CTNNAL1: variants seen among roughly 807,000 people sequenced by gnomAD.
The protein encoded by CTNNAL1 is alpha-catulin.
Under a neutral mutation model 93.6 loss-of-function variants are expected in CTNNAL1, and 69 were observed. The observed-to-expected ratio is 0.74, with a 90% CI of 0.61 to 0.90. The LOEUF is 0.90. Among genes scored for constraint, CTNNAL1 ranks in the 40% least tolerant of loss-of-function variants. The probability of loss-of-function intolerance (pLI) is 0.00; values close to 1 mark genes in which losing one functional copy is unlikely to be tolerated. For missense variants in CTNNAL1, 836 were observed against 862.0 expected (o/e 0.97, Z 0.38); for synonymous variants, 286 against 305.4 (o/e 0.94, Z 0.66).
At chr9:108,965,774 G>A (rs998126846) in intron 10 of CTNNAL1, among the ~76,000 whole-genome samples, 17 of 152,306 alleles carry the variant, frequency 1.1e-4, no homozygotes, top group African/African-American at 2.9e-4. Flanking sequence ...CATTCAGGGA[G>A]CAATTCTCTT....
chr9:108,981,754 A>T (rs1452652316), intron 6 of CTNNAL1, among the ~76,000 whole-genome samples: 1 of 151,988 alleles, frequency 6.6e-6, no homozygotes, highest in Non-Finnish European at 1.5e-5. Flanking sequence ...GCAAAACCCC[A>T]TCTCTATTAA....
intron 2 of CTNNAL1, among the ~76,000 whole-genome samples, chr9:108,998,678 C>T (rs754023382): frequency 6.6e-6 from 1 of 152,204 alleles, no homozygotes; most frequent in Non-Finnish European, 1.5e-5. Flanking sequence ...TGTGAACCAT[C>T]ATGAAGTTTG....
At chr9:108,962,904 T>C (rs1292285118) in intron 11 of CTNNAL1, among the ~76,000 whole-genome samples, 1 of 152,142 alleles carries the variant, frequency 6.6e-6, no homozygotes, top group Non-Finnish European at 1.5e-5. Context: ...AGTTAGGAAA[T>C]AGCAGAGGCA....
intron 6 of CTNNAL1, among the ~76,000 whole-genome samples, chr9:108,980,168 G>A (rs1381973421): frequency 6.6e-6 from 1 of 152,148 alleles, no homozygotes; most frequent in African/African-American, 2.4e-5. Context: ...TCTATGGCCT[G>A]TCTTTATATA....
At chr9:108,964,944 C>A (rs1830915111) in intron 11 of CTNNAL1, among the ~76,000 whole-genome samples, 1 of 152,050 alleles carries the variant, frequency 6.6e-6, no homozygotes, top group Admixed American at 6.5e-5. Context: ...CTCACTGCAA[C>A]CTCCGCCTCC....
intron 1 of CTNNAL1, among the ~76,000 whole-genome samples, chr9:108,999,728 C>A (rs148641897): frequency 1.3e-4 from 20 of 152,252 alleles, no homozygotes; most frequent in Non-Finnish European, 1.0e-4. Context: ...TACATGTTTA[C>A]CAAATTAACT....
At chr9:108,987,830 G>A (rs1282086474) in intron 4 of CTNNAL1, among the ~76,000 whole-genome samples, 1 of 152,122 alleles carries the variant, frequency 6.6e-6, no homozygotes, top group African/African-American at 2.4e-5. Flanking sequence ...CTCTCTGTTT[G>A]TCTGTTATTG....
rs149281726 is a variant in CTNNAL1 at position 108,992,708 on chromosome 9, A to T, written c.443T>A (p.Leu148His). 1 of 1,614,072 alleles carries T rather than the reference A, an allele frequency of 6.2e-7. No homozygotes were observed. The change falls in exon 3 of 19, where the codon CTT becomes CAT. Residue 148 changes from leucine to histidine, a missense_variant. By Grantham distance (99) the Leu-to-His change is moderately conservative. Transcript: ENST00000325551. The part of the protein sequence containing the change: ...KTGVIKAARL[L>H]LSSVTKVLLL... Reference sequence around the variant, plus strand: ...CAACACTTTTGTCACTGAAGAAAGAAGTAATCTTGCAGCCTTTATCACTCC... The same window carrying T: ...CAACACTTTTGTCACTGAAGAAAGATGTAATCTTGCAGCCTTTATCACTCC...
intron 10 of CTNNAL1, among the ~76,000 whole-genome samples, chr9:108,967,217 A>T (rs532495334): frequency 6.6e-6 from 1 of 152,346 alleles, no homozygotes; most frequent in African/African-American, 2.4e-5. Context: ...GCCCTCTATT[A>T]TGAAGCTTAT....
At chr9:108,958,081 A>C (rs934057280) in intron 11 of CTNNAL1, among the ~76,000 whole-genome samples, 10 of 151,378 alleles carry the variant, frequency 6.6e-5, no homozygotes, top group Admixed American at 2.6e-4. Flanking sequence ...AAAAAAAAAA[A>C]AAACAAAGTG....
chr9:108,948,072 G>A, intron 15 of CTNNAL1, 114 bp downstream of exon 15: 2 of 1,203,572 alleles, frequency 1.7e-6, no homozygotes, highest in East Asian at 5.0e-5. Flanking sequence ...GTAATACACA[G>A]GTAGGTACAG....
intron 4 of CTNNAL1, 31 bp from the exon 5 acceptor site, chr9:108,984,467 T>A: frequency 7.8e-7 from 1 of 1,276,944 alleles, no homozygotes; most frequent in Non-Finnish European, 1.1e-6. Context: ...CGGAGGAGTC[T>A]AAGACCATGT....
intron 12 of CTNNAL1, among the ~76,000 whole-genome samples, chr9:108,954,017 A>G (rs1419734249): frequency 2.0e-5 from 3 of 152,310 alleles, no homozygotes; most frequent in East Asian, 3.9e-4. Context: ...TCAGAATTTT[A>G]TACTTTATAT....
chr9:108,943,560 A>G, intron 17 of CTNNAL1, 143 bp downstream of exon 17: 2 of 665,592 alleles, frequency 3.0e-6, no homozygotes, highest in Non-Finnish European at 4.9e-6. Context: ...TTATGAGAGT[A>G]GATAATAAAT....
rs192129193 is a variant in CTNNAL1, at chr9:108,996,511, C to A, written c.331+2556G>T. Among the ~76,000 whole-genome samples, 4 of 152,300 alleles carry A rather than the reference C, an allele frequency of 2.6e-5. No individual in the cohort carries two copies. The East Asian group carries it at 7.7e-4, about 29-fold the overall frequency. On this transcript the variant is annotated intron_variant, in intron 2 of 18. Coordinates refer to ENST00000325551, the MANE Select transcript of CTNNAL1 (RefSeq NM_003798.4). The stretch of plus-strand genomic sequence containing the variant: ...GACATGTGGAGCCCATGAAACCTGA[C>A]AGCTTCCAAAATACTCCGTTTATGG...
At chr9:109,011,679 A>T (rs1827207148) in intron 1 of CTNNAL1, among the ~76,000 whole-genome samples, 2 of 152,270 alleles carry the variant, frequency 1.3e-5, no homozygotes, top group Non-Finnish European at 2.9e-5. Flanking sequence ...TTCTGGAGCC[A>T]GGGTACCTGG....
intron 4 of CTNNAL1, among the ~76,000 whole-genome samples, chr9:108,987,203 G>A (rs1217095338): frequency 1.3e-5 from 2 of 151,956 alleles, no homozygotes; most frequent in African/African-American, 4.8e-5. Context: ...ATTAATTTTT[G>A]TATAAGGTGT....
intron 14 of CTNNAL1, among the ~76,000 whole-genome samples, chr9:108,948,906 G>C (rs28361174): frequency 7.8e-4 from 119 of 152,064 alleles, no homozygotes; most frequent in Non-Finnish European, 1.3e-3. Flanking sequence ...CTGCCACTTA[G>C]GAGATGTGAA....
At chr9:109,007,611 G>A (rs1457702504) in intron 1 of CTNNAL1, among the ~76,000 whole-genome samples, 1 of 152,126 alleles carries the variant, frequency 6.6e-6, no homozygotes, top group Non-Finnish European at 1.5e-5. Context: ...GAGGTGGGGA[G>A]GTACTCTACA....
Sources: allele counts gnomAD v4.1 joint callset (sites outside exome capture counted in the v4.1 genomes callset), GRCh38; gene constraint gnomAD v4.1.1; transcripts MANE v1.5; gene names NCBI Gene and HGNC (gene_info 2026-07-23, HGNC 2026-07-21).